The following CCDC38 variants were observed in gnomAD, a reference collection of about 807,000 sequenced individuals.
CCDC38 encodes the protein coiled-coil domain containing 38.
In CCDC38, 69 loss-of-function variants were observed where a neutral mutation model predicts 72.8. The ratio of observed to expected loss-of-function variants is 0.95; its 90% CI spans 0.78 to 1.16. The LOEUF (loss-of-function observed/expected upper bound fraction) is 1.16. Ranked by LOEUF, CCDC38 falls within the 50% of genes most tolerant of loss-of-function variation. The pLI, the probability that CCDC38 is intolerant of heterozygous loss-of-function variation, is 0.00. For missense variants in CCDC38, 626 were observed against 638.9 expected (o/e 0.98, Z 0.22); for synonymous variants, 201 against 213.2 (o/e 0.94, Z 0.50).
At chr12:95,926,460 C>G (rs970051968) in intron 2 of CCDC38, among the ~76,000 whole-genome samples, 4 of 151,742 alleles carry the variant, frequency 2.6e-5, no homozygotes, top group African/African-American at 9.7e-5. Flanking sequence ...TGCTAGCGGT[C>G]TATCAATTTT....
chr12:95,932,402 T>C (rs1427800387), intron 2 of CCDC38, among the ~76,000 whole-genome samples: 3 of 152,148 alleles, frequency 2.0e-5, no homozygotes, highest in Non-Finnish European at 1.5e-5. Context: ...ATTTGTTTCT[T>C]CATTTTTTGG....
intron 1 of CCDC38, among the ~76,000 whole-genome samples, chr12:95,939,756 C>T (rs2080429804): frequency 2.0e-5 from 3 of 152,136 alleles, no homozygotes; most frequent in Admixed American, 6.5e-5. Flanking sequence ...TTCAAGTGAA[C>T]CCCATGCTGG....
At chr12:95,868,295 A>G (rs2079545197) in intron 15 of CCDC38, among the ~76,000 whole-genome samples, 1 of 152,176 alleles carries the variant, frequency 6.6e-6, no homozygotes, top group South Asian at 2.1e-4. Context: ...TAGGAATACA[A>G]ACGTCATAAA....
At chr12:95,914,204 A>G (rs564089402) in intron 4 of CCDC38, among the ~76,000 whole-genome samples, 1 of 152,312 alleles carries the variant, frequency 6.6e-6, no homozygotes, top group East Asian at 1.9e-4. Context: ...ATGTGCTTGT[A>G]GTCCCAGCTA....
intron 15 of CCDC38, among the ~76,000 whole-genome samples, chr12:95,869,146 T>A (rs1008142039): frequency 1.3e-5 from 2 of 152,202 alleles, no homozygotes; most frequent in Non-Finnish European, 2.9e-5. Context: ...ACTGACTTTA[T>A]ACTGAATACT....
At chr12:95,868,075 G>T (rs554377889) in intron 15 of CCDC38, among the ~76,000 whole-genome samples, 6 of 152,162 alleles carry the variant, frequency 3.9e-5, no homozygotes, top group African/African-American at 1.4e-4. Context: ...AACTGTCAAA[G>T]ATCTTTGGTA....
rs2079917776 is a variant in CCDC38 at position 95,898,621 on chromosome 12, G to T, written c.480C>A (p.Ala160=). The part of the protein sequence containing the change: ...AEKKLQDDAL[A]FEEFLRENDQ... ...CATTTTCTCGAAGGAACTCTTCAAA[G>T]GCCAGTGCATCATCTTGGAGCTTTT... The change falls in exon 6 of 16, where the codon GCC becomes GCA. Residue 160 remains alanine, a synonymous_variant. Transcript: ENST00000344280. The T allele has an allele frequency of 6.2e-7, 1 of 1,614,062 alleles. No homozygotes were observed. Among genetic ancestry groups the T allele is most frequent in the African/African-American group, 1.3e-5 (1 of 74,918 alleles).
intron 13 of CCDC38, among the ~76,000 whole-genome samples, chr12:95,873,191 A>G (rs2121413377): frequency 6.6e-6 from 1 of 152,312 alleles, no homozygotes; most frequent in East Asian, 1.9e-4. Context: ...TATAATTGCG[A>G]AACTATAATC....
At chr12:95,881,885 C>T (rs942956238) in intron 10 of CCDC38, among the ~76,000 whole-genome samples, 1 of 152,194 alleles carries the variant, frequency 6.6e-6, no homozygotes, top group East Asian at 1.9e-4. Flanking sequence ...CCTATGTTGC[C>T]TCATCCTTTT....
intron 2 of CCDC38, chr12:95,935,562 A>G (rs1025710681): frequency 1.0e-5 from 3 of 297,984 alleles, no homozygotes; most frequent in Non-Finnish European, 2.1e-5. Flanking sequence ...TGTTTAAGCC[A>G]CAGTTGTTTT....
chr12:95,899,652 C>G (rs181179491), intron 5 of CCDC38, among the ~76,000 whole-genome samples: 3 of 152,104 alleles, frequency 2.0e-5, no homozygotes, highest in Non-Finnish European at 2.9e-5. Context: ...AATAAGGCCA[C>G]ATACATAATA....
intron 4 of CCDC38, among the ~76,000 whole-genome samples, chr12:95,913,380 G>A (rs545059446): frequency 2.6e-5 from 4 of 152,284 alleles, no homozygotes; most frequent in Middle Eastern, 3.4e-3. Context: ...ATTCAGCCCA[G>A]GGAATGGGAA....
chr12:95,890,781 G>T, intron 9 of CCDC38, 51 bp downstream of exon 9: 1 of 1,131,546 alleles, frequency 8.8e-7, no homozygotes, highest in Non-Finnish European at 1.3e-6. Flanking sequence ...TCCACTTTGA[G>T]ATGGACACAT....
chr12:95,937,683 C>T (rs762532370), intron 1 of CCDC38, among the ~76,000 whole-genome samples: 1 of 152,048 alleles, frequency 6.6e-6, no homozygotes, highest in African/African-American at 2.4e-5. Flanking sequence ...CTAAATATCC[C>T]GGAAGCAGAG....
chr12:95,901,001 G>A (rs983781950), intron 5 of CCDC38, among the ~76,000 whole-genome samples: 1 of 152,100 alleles, frequency 6.6e-6, no homozygotes, highest in African/African-American at 2.4e-5. Context: ...GCAGAGGAAG[G>A]GCATGATCCT....
At chr12:95,920,352 G>A (rs2080191534) in intron 2 of CCDC38, among the ~76,000 whole-genome samples, 1 of 152,042 alleles carries the variant, frequency 6.6e-6, no homozygotes, top group Admixed American at 6.6e-5. Context: ...TAATTATGAG[G>A]CCTCCCCAAC....
Position 95,921,844 on chromosome 12 carries a change from C to T in CCDC38, c.38-2868G>A, listed in dbSNP as rs370282361. Among the ~76,000 whole-genome samples the T allele has an allele frequency of 4.6e-5, 7 of 152,178 alleles. No individual in the cohort carries two copies. In the South Asian group the frequency reaches 1.2e-3, roughly 27 times the overall value. ...CAACCTTACAAAAAGACTCCACATC[C>T]TCCCAGCAAGCAGAGGGCCTGTGAA... On this transcript the variant is annotated intron_variant, in intron 2 of 15. Transcript: ENST00000344280.
chr12:95,886,500 A>G (rs916752924), intron 10 of CCDC38, among the ~76,000 whole-genome samples: 3 of 152,204 alleles, frequency 2.0e-5, no homozygotes, highest in Admixed American at 6.5e-5. Flanking sequence ...CACTCTGCAA[A>G]AGACCCTATT....
chr12:95,907,090 T>C (rs1425021370), intron 4 of CCDC38, among the ~76,000 whole-genome samples: 2 of 151,480 alleles, frequency 1.3e-5, no homozygotes, highest in African/African-American at 4.9e-5. Context: ...CCTTAATCCA[T>C]TTAACCCTGA....
Sources: gnomAD v4.1 joint callset for allele counts (sites outside exome capture counted in the v4.1 genomes callset) on GRCh38, gnomAD v4.1.1 for gene constraint, MANE v1.5 for transcripts, NCBI Gene and HGNC (gene_info 2026-07-23, HGNC 2026-07-21) for gene names.